Variants in TKTL1 observed in about 807,000 individuals in gnomAD.
The protein encoded by TKTL1 is transketolase like 1.
A neutral mutation model predicts 39.3 loss-of-function variants in TKTL1; 1 was observed. The observed-to-expected ratio is 0.03, with a 90% CI of 0.01 to 0.12. The LOEUF is 0.12. Among genes scored for constraint, TKTL1 ranks in the 10% least tolerant of loss-of-function variants. TKTL1 has a pLI of 1.00. For missense variants in TKTL1, 575 were observed against 509.6 expected, an observed-to-expected ratio of 1.13 and a Z score of -1.24; for synonymous variants, 262 against 193.8, an observed-to-expected ratio of 1.35 and a Z score of -2.92.
chrX:154,319,292 G>A, intron 7 of TKTL1, among the ~76,000 whole-genome samples: 1 of 112,353 alleles, frequency 8.9e-6, no homozygotes, highest in Non-Finnish European at 1.9e-5. Flanking sequence ...CATTAATTAA[G>A]TTCTTCACTT....
At chrX:154,296,456 A>G (rs782687625) in intron 1 of TKTL1, among the ~76,000 whole-genome samples, 11 of 111,019 alleles carry the variant, frequency 9.9e-5, no homozygotes, top group Non-Finnish European at 2.1e-4. Flanking sequence ...GATAAAAAGC[A>G]ATTAAAATTC....
intron 5 of TKTL1, among the ~76,000 whole-genome samples, chrX:154,311,509 G>A (rs1044301362): frequency 5.4e-5 from 6 of 111,836 alleles, no homozygotes; most frequent in African/African-American, 2.0e-4. Flanking sequence ...AGGACTGACA[G>A]GGAACAATCT....
At chrX:154,329,283 G>A (rs2067518753) in intron 12 of TKTL1, among the ~76,000 whole-genome samples, 1 of 111,997 alleles carries the variant, frequency 8.9e-6, no homozygotes, top group African/African-American at 3.2e-5. Context: ...CAACAGCTTT[G>A]AGAATCAGAG....
In TKTL1 at chrX:154,329,501, T is replaced by G. The variant is rs1254329314; in HGVS notation, c.1619-15T>G. ...GCTGCTTTCACAAAAGGGCCTAACA[T>G]CCTTGTTTCCCCAGGTGGCATCGGG... On this transcript the variant is annotated splice_polypyrimidine_tract_variant and intron_variant, in intron 12 of 12. Transcript: ENST00000369915. 1 of 1,207,655 alleles carries G rather than the reference T, an allele frequency of 8.3e-7. No individual in the cohort carries two copies. Among genetic ancestry groups the G allele is most frequent in the Non-Finnish European group, 1.1e-6 (1 of 893,290 alleles).
At chrX:154,316,306 G>A (rs190191819) in intron 7 of TKTL1, among the ~76,000 whole-genome samples, 1,654 of 111,028 alleles carry the variant, frequency 0.015, 29 homozygotes, top group African/African-American at 0.051. Context: ...TCCTGACCTC[G>A]TGATCCGTCC....
intron 7 of TKTL1, among the ~76,000 whole-genome samples, chrX:154,318,601 G>A (rs1231381153): frequency 7.5e-5 from 8 of 106,984 alleles, no homozygotes; most frequent in East Asian, 2.9e-4. Flanking sequence ...CCAGCTACTC[G>A]GGAGGCTGAG....
chrX:154,327,198 T>C (rs1161702583), intron 10 of TKTL1: 3 of 295,532 alleles, frequency 1.0e-5, no homozygotes, highest in Middle Eastern at 1.3e-3. Flanking sequence ...GCAGAACGGT[T>C]GTGCCACTGA....
chrX:154,303,413 G>GA (rs1569550802), intron 1 of TKTL1, among the ~76,000 whole-genome samples: 3 of 39,199 alleles, frequency 7.7e-5, no homozygotes, highest in African/African-American at 2.9e-4. Context: ...TTTTTTTTTG[G>GA]AAAGACGAGG....
In TKTL1 at chrX:154,311,108, C is replaced by T; in HGVS notation, c.543-3C>T. The T allele has an allele frequency of 8.3e-7, 1 of 1,211,669 alleles. No homozygotes were observed. The highest frequency in any genetic ancestry group is 1.1e-6 in the Non-Finnish European group (1 of 895,315). ...GTAACCCAGCCTGCTCCTCTGTTGG[C>T]AGGTGGAACACTTATGTGGTGGACG... On this transcript the variant is annotated splice_polypyrimidine_tract_variant and splice_region_variant and intron_variant, in intron 4 of 12. Transcript: ENST00000369915.
rs1283905498 is a variant in TKTL1 at position 154,330,232 on chromosome X, C to T, written c.*544C>T. On this transcript the variant is annotated 3_prime_UTR_variant, in exon 13 of 13. Coordinates refer to ENST00000369915, the MANE Select transcript of TKTL1 (RefSeq NM_012253.4). ...CTTCGCTGTTTGCCTTCATCTCCCTCCACGTTTGAGAGGCTGTCAGGCAGC... is the reference window on the plus strand; with the variant it reads ...CTTCGCTGTTTGCCTTCATCTCCCTTCACGTTTGAGAGGCTGTCAGGCAGC... 1 of 115,109 alleles carries T rather than the reference C, an allele frequency of 8.7e-6. No individual in the cohort carries two copies. Among genetic ancestry groups the T allele is most frequent in the African/African-American group, 3.2e-5 (1 of 30,966 alleles). The allele number at this position is 115,109 out of a possible 1,213,427, so 9.5% of individuals were successfully genotyped here.
At chrX:154,298,562 A>G (rs964021180) in intron 1 of TKTL1, among the ~76,000 whole-genome samples, 6 of 111,698 alleles carry the variant, frequency 5.4e-5, no homozygotes, top group Middle Eastern at 4.6e-3. Flanking sequence ...AAATACAACA[A>G]TTAGCTAGAC....
At chrX:154,302,953 C>T (rs2148800540) in intron 1 of TKTL1, among the ~76,000 whole-genome samples, 2 of 110,727 alleles carry the variant, frequency 1.8e-5, no homozygotes, top group East Asian at 5.7e-4. Context: ...GGCGATCCTC[C>T]CCTAGGACCT....
chrX:154,303,379 A>ATTTT lies in TKTL1; in HGVS notation c.135-1896_135-1893dup, dbSNP rs1172255094. ...AGGTGCATGCCACCCTGCCCAGCTA[A>ATTTT]TTTTTTTTTTTTTTTTTTTTTTTTT... is the stretch of plus-strand genomic sequence containing the variant. On this transcript the variant is annotated intron_variant, in intron 1 of 12. Coordinates refer to ENST00000369915, the MANE Select transcript of TKTL1 (RefSeq NM_012253.4). 8.8e-3 allele frequency among the ~76,000 whole-genome samples: 297 copies of ATTTT among 33,674 alleles called. 20 individuals carry two copies. Among genetic ancestry groups the ATTTT allele is most frequent in the Non-Finnish European group, 0.011 (218 of 19,403 alleles). 29.2% of individuals were successfully genotyped at this position (33,674 alleles called of 115,157 possible). A position where few individuals can be genotyped will look rare whatever the true frequency, so the allele number is the denominator to read the frequency against.
chrX:154,329,824 C>A lies in TKTL1; in HGVS notation c.*136C>A. On this transcript the variant is annotated 3_prime_UTR_variant, in exon 13 of 13. Coordinates refer to ENST00000369915, the MANE Select transcript of TKTL1 (RefSeq NM_012253.4). ...CTAACACCTTCATTCATCCCTAGTT[C>A]GGAAATTCAAGCTAACTACTTACCC... The A allele has an allele frequency of 2.8e-6, 2 of 715,552 alleles. No homozygotes were observed. Among genetic ancestry groups the A allele is most frequent in the Non-Finnish European group, 4.1e-6 (2 of 492,368 alleles). The allele number at this position is 715,552 out of a possible 1,213,427, so 59.0% of individuals were successfully genotyped here.
rs782776923 is a variant in TKTL1 at position 154,327,897 on chromosome X, C to T, written c.1557C>T (p.Ile519=). The T allele has an allele frequency of 1.5e-5, 18 of 1,209,939 alleles. No homozygotes were observed. Among genetic ancestry groups the T allele is most frequent in the South Asian group, 5.3e-5 (3 of 56,816 alleles). ...FTIKPLDVAT[I]VSSAKATEGR... is the part of the protein sequence containing the mutation. ...TTAAACCTCTGGATGTCGCCACCATCGTCTCCAGTGCAAAAGCCACAGAGG... is the reference window on the plus strand; with the variant it reads ...TTAAACCTCTGGATGTCGCCACCATTGTCTCCAGTGCAAAAGCCACAGAGG... Residue 519 remains isoleucine (I), a synonymous_variant, in exon 12 of 13, where the codon ATC becomes ATT. Transcript: ENST00000369915.
In TKTL1 at chrX:154,295,821, C is replaced by A; in HGVS notation, c.-39C>A. ...CCATTCGCTCTTCAGACGCCGGAGA[C>A]GTAGGAGTGGGTCTTCAGACTCCAA... On this transcript the variant is annotated 5_prime_UTR_variant, in exon 1 of 13. Coordinates refer to ENST00000369915, the MANE Select transcript of TKTL1 (RefSeq NM_012253.4). 1 of 1,198,162 alleles carries A rather than the reference C, an allele frequency of 8.3e-7. No individual in the cohort carries two copies. The highest frequency in any genetic ancestry group is 2.2e-5 in the Admixed American group (1 of 44,626).
intron 10 of TKTL1, among the ~76,000 whole-genome samples, chrX:154,326,009 A>G (rs2067491046): frequency 8.9e-6 from 1 of 111,962 alleles, no homozygotes; most frequent in African/African-American, 3.2e-5. Context: ...ACAAAAAATA[A>G]TAGAAATCAC....
chrX:154,321,039 T>G, intron 8 of TKTL1, 126 bp downstream of exon 8: 2 of 820,688 alleles, frequency 2.4e-6, no homozygotes, highest in Non-Finnish European at 3.5e-6. Flanking sequence ...GCCTTTTTCT[T>G]GAAAAAGCCA....
At chrX:154,305,057 A>G (rs1377286081) in intron 1 of TKTL1, 2 of 1,118,846 alleles carry the variant, frequency 1.8e-6, no homozygotes, top group African/African-American at 3.7e-5. Flanking sequence ...GGCACAAAGG[A>G]AACTTGCCCC....
Sources: gnomAD v4.1 joint callset for allele counts (sites outside exome capture counted in the v4.1 genomes callset) on GRCh38, gnomAD v4.1.1 for gene constraint, MANE v1.5 for transcripts, NCBI Gene and HGNC (gene_info 2026-07-23, HGNC 2026-07-21) for gene names.